ITPR1: variants seen among roughly 807,000 people sequenced by gnomAD.
ITPR1 encodes the protein inositol 1,4,5-trisphosphate receptor type 1, also known as inositol 1,4,5-trisphosphate-gated calcium channel ITPR1.
ITPR1 carries 96 observed loss-of-function variants against 318.4 expected under a neutral mutation model. That is an observed-to-expected ratio of 0.30 (90% CI 0.26 to 0.36). The LOEUF is 0.36. ITPR1 is among the 10% of genes least tolerant of loss of function. The probability of loss-of-function intolerance (pLI) is 1.00; values close to 1 mark genes in which losing one functional copy is unlikely to be tolerated. For synonymous variants in ITPR1, 1,312 were observed against 1,289.9 expected (o/e 1.02, Z -0.37); for missense variants, 2,440 against 3,460.2 (o/e 0.71, Z 7.40).
At chr3:4,541,301 A>G (rs1376555518) in intron 4 of ITPR1, among the ~76,000 whole-genome samples, 2 of 152,284 alleles carry the variant, frequency 1.3e-5, no homozygotes. Flanking sequence ...GTTTGAAAAT[A>G]TTCACTTTTA....
chr3:4,506,141 G>A (rs934030100), intron 2 of ITPR1, among the ~76,000 whole-genome samples: 3 of 152,128 alleles, frequency 2.0e-5, no homozygotes, highest in Admixed American at 2.0e-4. Context: ...GAAATTGAGG[G>A]CCAGATAAGG....
chr3:4,726,341 TAA>T (rs11294154), intron 41 of ITPR1, among the ~76,000 whole-genome samples: 2,148 of 146,164 alleles, frequency 0.015, 19 homozygotes, highest in Non-Finnish European at 0.023. Flanking sequence ...ATGATGCAGT[TAA>T]AAAAAAAAAA....
chr3:4,827,100 C>A (rs1363766741), intron 60 of ITPR1, among the ~76,000 whole-genome samples: 3 of 152,242 alleles, frequency 2.0e-5, no homozygotes, highest in Admixed American at 2.0e-4. Context: ...TACCTGCATA[C>A]ATGCACGTTT....
intron 46 of ITPR1, among the ~76,000 whole-genome samples, chr3:4,770,655 G>A (rs1268968244): frequency 2.6e-5 from 4 of 152,196 alleles, no homozygotes; most frequent in Admixed American, 6.5e-5. Flanking sequence ...CCATCTGAGT[G>A]TGGGATCTCA....
At chr3:4,652,454 G>A (rs144440393) in intron 11 of ITPR1, among the ~76,000 whole-genome samples, 142 of 152,290 alleles carry the variant, frequency 9.3e-4, no homozygotes, top group African/African-American at 3.1e-3. Context: ...AAGTAAGTTA[G>A]AAGATCATGC....
chr3:4,771,183 T>C (rs1244912824), intron 46 of ITPR1, among the ~76,000 whole-genome samples: 1 of 152,184 alleles, frequency 6.6e-6, no homozygotes, highest in East Asian at 1.9e-4. Flanking sequence ...CCAGCACCCA[T>C]GGTGACAGGA....
chr3:4,548,624 T>C (rs1196715077), intron 4 of ITPR1, among the ~76,000 whole-genome samples: 1 of 152,170 alleles, frequency 6.6e-6, no homozygotes, highest in Non-Finnish European at 1.5e-5. Context: ...CATTGGTCAC[T>C]TCAGTTCGTT....
chr3:4,659,636 G>A (rs912293772), intron 13 of ITPR1, among the ~76,000 whole-genome samples: 28 of 151,698 alleles, frequency 1.8e-4, no homozygotes, highest in African/African-American at 6.1e-4. Context: ...AGTGAGCCCA[G>A]ATTGTGCCAA....
intron 52 of ITPR1, among the ~76,000 whole-genome samples, chr3:4,793,721 C>G (rs556678519): frequency 2.2e-4 from 34 of 152,216 alleles, no homozygotes; most frequent in African/African-American, 8.2e-4. Context: ...GATCACTAAC[C>G]TGGATAACAA....
intron 61 of ITPR1, among the ~76,000 whole-genome samples, chr3:4,837,792 A>G (rs1042992127): frequency 1.3e-5 from 2 of 152,110 alleles, no homozygotes; most frequent in African/African-American, 4.8e-5. Flanking sequence ...AAGGACTTGT[A>G]CCCTGGGTGG....
chr3:4,639,645 T>C (rs1217480780), intron 6 of ITPR1, among the ~76,000 whole-genome samples, 175 bp downstream of exon 6: 1 of 152,246 alleles, frequency 6.6e-6, no homozygotes, highest in Admixed American at 6.5e-5. Flanking sequence ...CTTTGGGCTA[T>C]TCTGCTGGTC....
intron 2 of ITPR1, among the ~76,000 whole-genome samples, chr3:4,495,438 T>C (rs1022661335): frequency 6.6e-6 from 1 of 152,228 alleles, no homozygotes; most frequent in African/African-American, 2.4e-5. Flanking sequence ...TTGTTTCCTG[T>C]TGATAAGATC....
chr3:4,567,641 T>A (rs935093517), intron 4 of ITPR1, among the ~76,000 whole-genome samples: 7 of 151,990 alleles, frequency 4.6e-5, no homozygotes, highest in African/African-American at 1.7e-4. Flanking sequence ...GGTCTTACTC[T>A]GCCACCCAGG....
At chr3:4,762,953 G>A (rs1420862852) in intron 44 of ITPR1, among the ~76,000 whole-genome samples, 2 of 152,188 alleles carry the variant, frequency 1.3e-5, no homozygotes, top group Non-Finnish European at 2.9e-5. Flanking sequence ...GCCCATCAAT[G>A]ATAGACTGGA....
At chr3:4,843,825 G>A (rs551123360) in intron 61 of ITPR1, among the ~76,000 whole-genome samples, 1 of 151,000 alleles carries the variant, frequency 6.6e-6, no homozygotes, top group African/African-American at 2.4e-5. Flanking sequence ...GAAGTGAAAA[G>A]GAAGCCAGGC....
At chr3:4,539,810 C>T (rs2084250598) in intron 4 of ITPR1, among the ~76,000 whole-genome samples, 1 of 152,146 alleles carries the variant, frequency 6.6e-6, no homozygotes, top group Non-Finnish European at 1.5e-5. Context: ...ATGGGATACC[C>T]TGTGCTGCCG....
intron 33 of ITPR1, among the ~76,000 whole-genome samples, chr3:4,695,795 A>G (rs2094548510): frequency 6.6e-6 from 1 of 152,114 alleles, no homozygotes; most frequent in Admixed American, 6.5e-5. Flanking sequence ...TGGCACCATG[A>G]TAGGTTTTTC....
chr3:4,753,006 A>G (rs2044661137), intron 44 of ITPR1, among the ~76,000 whole-genome samples: 1 of 152,130 alleles, frequency 6.6e-6, no homozygotes, highest in African/African-American at 2.4e-5. Flanking sequence ...GGCGCCACGA[A>G]GCGTGGCCAG....
chr3:4,716,785 C>T (rs1237409847), intron 39 of ITPR1, among the ~76,000 whole-genome samples: 8 of 152,192 alleles, frequency 5.3e-5, no homozygotes, highest in Non-Finnish European at 1.5e-5. Context: ...TGATAAATCC[C>T]ATGTCACTAA....
Sources: allele counts gnomAD v4.1 joint callset (sites outside exome capture counted in the v4.1 genomes callset), GRCh38; gene constraint gnomAD v4.1.1; transcripts MANE v1.5; gene names NCBI Gene and HGNC (gene_info 2026-07-23, HGNC 2026-07-21).